The following APLF variants were observed in gnomAD, a reference collection of about 807,000 sequenced individuals.
The protein encoded by APLF is aprataxin and PNKP like factor.
In APLF, 61 loss-of-function variants were observed where a neutral mutation model predicts 55.6. That is an observed-to-expected ratio of 1.10 (90% confidence interval 0.89 to 1.36). The LOEUF (loss-of-function observed/expected upper bound fraction) is 1.36, where lower values mean the gene tolerates loss of function less well. Among genes scored for constraint, APLF ranks in the 40% most tolerant of loss-of-function variants. The pLI is 0.00. For synonymous variants in APLF, 207 were observed against 214.8 expected, an observed-to-expected ratio of 0.96 and a Z score of 0.32; for missense variants, 611 against 602.5, an observed-to-expected ratio of 1.01 and a Z score of -0.15.
intron 1 of APLF, among the ~76,000 whole-genome samples, chr2:68,476,325 A>G (rs913687701): frequency 1.3e-5 from 2 of 152,050 alleles, no homozygotes; most frequent in African/African-American, 2.4e-5. Context: ...GTCTGTACCA[A>G]AAATACAAAC....
At chr2:68,495,563 C>G (rs954775368) in intron 2 of APLF, among the ~76,000 whole-genome samples, 1 of 152,162 alleles carries the variant, frequency 6.6e-6, no homozygotes. Context: ...GGTAGATATA[C>G]TATGTTTGGG....
chr2:68,532,636 CT>C (rs908315323), intron 6 of APLF, among the ~76,000 whole-genome samples: 19 of 152,140 alleles, frequency 1.2e-4, no homozygotes, highest in Admixed American at 1.1e-3. Flanking sequence ...ACTGTAGTAA[CT>C]TCTCTTCATA....
intron 5 of APLF, chr2:68,515,677 T>C (rs1181942856): frequency 1.0e-6 from 1 of 983,160 alleles, no homozygotes; most frequent in Non-Finnish European, 1.2e-6. Flanking sequence ...ATATCGCATG[T>C]GTACAATGTA....
intron 7 of APLF, among the ~76,000 whole-genome samples, chr2:68,541,024 A>G (rs1345668327): frequency 6.6e-6 from 1 of 152,218 alleles, no homozygotes; most frequent in Non-Finnish European, 1.5e-5. Flanking sequence ...TGTGTTTATG[A>G]CAAAGGTACC....
At chr2:68,555,430 C>T (rs544037018) in intron 8 of APLF, among the ~76,000 whole-genome samples, 3 of 152,192 alleles carry the variant, frequency 2.0e-5, no homozygotes, top group East Asian at 3.9e-4. Context: ...GGACTAATAT[C>T]CAGAATCTAC....
intron 2 of APLF, among the ~76,000 whole-genome samples, chr2:68,499,651 C>A (rs1342555832): frequency 6.6e-6 from 1 of 152,026 alleles, no homozygotes; most frequent in African/African-American, 2.4e-5. Context: ...CCAGCCTGGC[C>A]AATGTGGTGA....
chr2:68,480,958 A>G (rs1320652590), intron 1 of APLF, among the ~76,000 whole-genome samples: 3 of 152,162 alleles, frequency 2.0e-5, no homozygotes, highest in Non-Finnish European at 1.5e-5. Context: ...ACTGGGATAA[A>G]TTTCACTTGA....
At chr2:68,517,964 A>C (rs1669685536) in intron 5 of APLF, among the ~76,000 whole-genome samples, 1 of 140,722 alleles carries the variant, frequency 7.1e-6, no homozygotes, top group Non-Finnish European at 1.5e-5. Context: ...AATATGTGTT[A>C]ATATATAACA....
intron 6 of APLF, among the ~76,000 whole-genome samples, chr2:68,537,198 G>C (rs573772618): frequency 1.4e-4 from 21 of 151,598 alleles, no homozygotes; most frequent in South Asian, 2.1e-4. Flanking sequence ...TAAGGACCGT[G>C]CATGTTAAGA....
At chr2:68,469,811 A>T (rs1243602794) in intron 1 of APLF, among the ~76,000 whole-genome samples, 2 of 152,234 alleles carry the variant, frequency 1.3e-5, no homozygotes, top group Non-Finnish European at 2.9e-5. Context: ...TTCATTGTAA[A>T]TTGGAATCGG....
chr2:68,518,681 AAT>A (rs1260344572), intron 5 of APLF, among the ~76,000 whole-genome samples: 3 of 122,930 alleles, frequency 2.4e-5, no homozygotes, highest in Admixed American at 1.8e-4. Flanking sequence ...ATATATCATG[AAT>A]ATATATCATT....
chr2:68,579,408 T>G lies in APLF; in HGVS notation c.*1386T>G, dbSNP rs1055697127. The G allele has an allele frequency of 2.0e-6, 2 of 976,878 alleles. No individual in the cohort carries two copies. The highest frequency in any genetic ancestry group is 3.5e-5 in the African/African-American group (2 of 57,046). The allele number at this position is 976,878 out of a possible 1,614,324, so 60.5% of individuals were successfully genotyped here. ...ACTTATTCTCATCCCTGCCACTAAC[T>G]TAATCCTTGAAGTGTTACATAATCT... is the stretch of plus-strand genomic sequence containing the variant. On this transcript the variant is annotated 3_prime_UTR_variant, in exon 10 of 10. Coordinates refer to ENST00000303795, the MANE Select transcript of APLF (RefSeq NM_173545.3).
intron 2 of APLF, among the ~76,000 whole-genome samples, chr2:68,496,611 G>C (rs963211144): frequency 2.0e-5 from 3 of 152,206 alleles, no homozygotes; most frequent in African/African-American, 7.2e-5. Context: ...CAGGTTGTTA[G>C]AAGCAGCCAG....
intron 6 of APLF, chr2:68,528,271 C>T: frequency 1.5e-6 from 2 of 1,337,622 alleles, no homozygotes; most frequent in South Asian, 2.5e-5. Flanking sequence ...TCCTAAGCAG[C>T]TGTCTTAGTC....
At chr2:68,511,458 C>T (rs80313089) in intron 3 of APLF, among the ~76,000 whole-genome samples, 3,875 of 151,114 alleles carry the variant, frequency 0.026, 64 homozygotes, top group South Asian at 0.043. Flanking sequence ...TTTTTTGTTA[C>T]GTTTATTGTG....
chr2:68,492,305 C>T (rs1267247607), intron 2 of APLF, among the ~76,000 whole-genome samples: 4 of 151,950 alleles, frequency 2.6e-5, no homozygotes, highest in African/African-American at 9.7e-5. Flanking sequence ...GGTGAAACGC[C>T]GTCTCTACTA....
chr2:68,508,339 G>A (rs886232206), intron 3 of APLF, among the ~76,000 whole-genome samples: 5 of 151,796 alleles, frequency 3.3e-5, no homozygotes, highest in African/African-American at 9.7e-5. Flanking sequence ...TTTGACAAAG[G>A]TGTCAAGACA....
chr2:68,536,855 T>C (rs1670405008), intron 6 of APLF, among the ~76,000 whole-genome samples: 1 of 152,056 alleles, frequency 6.6e-6, no homozygotes, highest in Non-Finnish European at 1.5e-5. Context: ...AGAAATAAAG[T>C]ATTGCAGTAG....
intron 1 of APLF, among the ~76,000 whole-genome samples, chr2:68,482,968 C>T (rs1238375449): frequency 3.3e-5 from 5 of 151,540 alleles, no homozygotes; most frequent in Non-Finnish European, 1.5e-5. Flanking sequence ...GTTGACTTCC[C>T]CACTATGCAG....
Sources: gnomAD v4.1 joint callset for allele counts (sites outside exome capture counted in the v4.1 genomes callset) on GRCh38, gnomAD v4.1.1 for gene constraint, MANE v1.5 for transcripts, NCBI Gene and HGNC (gene_info 2026-07-23, HGNC 2026-07-21) for gene names.